The following MTSS1 variants were observed in gnomAD, a reference collection of about 807,000 sequenced individuals.
MTSS1 encodes the protein protein MTSS 1.
Under a neutral mutation model 79.0 loss-of-function variants are expected in MTSS1, and 18 were observed. That is an observed-to-expected ratio of 0.23 (90% CI 0.16 to 0.34). MTSS1 has a LOEUF of 0.34. Among genes scored for constraint, MTSS1 ranks in the 10% least tolerant of loss-of-function variants. The probability of loss-of-function intolerance (pLI) is 1.00; values close to 1 mark genes in which losing one functional copy is unlikely to be tolerated. For synonymous variants in MTSS1, 341 were observed against 368.6 expected (o/e 0.93, Z 0.86); for missense variants, 815 against 986.2 (o/e 0.83, Z 2.33).
intron 3 of MTSS1, among the ~76,000 whole-genome samples, chr8:124,687,752 A>G (rs1348969659): frequency 6.6e-6 from 1 of 152,242 alleles, no homozygotes; most frequent in African/African-American, 2.4e-5. Flanking sequence ...TATCGCCTCC[A>G]CAATTCTTTT....
intron 3 of MTSS1, among the ~76,000 whole-genome samples, chr8:124,616,556 G>C (rs1368766072): frequency 6.6e-6 from 1 of 152,148 alleles, no homozygotes; most frequent in African/African-American, 2.4e-5. Flanking sequence ...GGTCTCACCA[G>C]AGAGTGAGAC....
intron 3 of MTSS1, among the ~76,000 whole-genome samples, chr8:124,646,973 G>A (rs1415257394): frequency 3.3e-5 from 5 of 152,100 alleles, no homozygotes; most frequent in Admixed American, 2.0e-4. Flanking sequence ...AGCCTCCTGA[G>A]TAGCTGGGAC....
rs60554923 is a variant in MTSS1, at chr8:124,607,506, G to A, written c.209-16271C>T. On this transcript the variant is annotated intron_variant, in intron 3 of 13. Transcript: ENST00000518547. Reference sequence around the variant, plus strand: ...AAAAAGGAATTGAAATTCTAACCCCGGAATAGCAAACAAGAGGCTGGCTTT... The same window carrying A: ...AAAAAGGAATTGAAATTCTAACCCCAGAATAGCAAACAAGAGGCTGGCTTT... Among the ~76,000 whole-genome samples the A allele has an allele frequency of 9.0e-3, 1,366 of 152,234 alleles. 17 individuals are homozygous for A. The highest frequency in any genetic ancestry group is 0.031 in the African/African-American group (1,274 of 41,524).
intron 3 of MTSS1, among the ~76,000 whole-genome samples, chr8:124,595,062 G>C (rs1484028464): frequency 6.6e-6 from 1 of 152,188 alleles, no homozygotes; most frequent in Non-Finnish European, 1.5e-5. Context: ...GTTGAATAAA[G>C]GAACGGACAT....
At chr8:124,579,688 T>C (rs918814035) in intron 6 of MTSS1, 2 of 152,074 alleles carry the variant, frequency 1.3e-5, no homozygotes, top group South Asian at 2.1e-4. Context: ...TGAGGGGAAA[T>C]AGAGGCCGTG....
chr8:124,595,563 G>A (rs372013280), intron 3 of MTSS1, among the ~76,000 whole-genome samples: 11 of 151,926 alleles, frequency 7.2e-5, no homozygotes, highest in Admixed American at 5.3e-4. Flanking sequence ...TTCTCTCTCC[G>A]CCTCCAATTT....
At chr8:124,561,068 G>T (rs1825180318) in intron 10 of MTSS1, among the ~76,000 whole-genome samples, 1 of 152,166 alleles carries the variant, frequency 6.6e-6, no homozygotes, top group Non-Finnish European at 1.5e-5. Flanking sequence ...ATAATAATAA[G>T]CAGTCGTAAT....
At chr8:124,613,387 T>C (rs2133338838) in intron 3 of MTSS1, among the ~76,000 whole-genome samples, 1 of 152,358 alleles carries the variant, frequency 6.6e-6, no homozygotes, top group Non-Finnish European at 1.5e-5. Context: ...CATCATGCAA[T>C]TAACACGCAA....
intron 3 of MTSS1, among the ~76,000 whole-genome samples, chr8:124,654,746 A>C (rs958072436): frequency 4.6e-5 from 7 of 152,336 alleles, no homozygotes; most frequent in African/African-American, 1.4e-4. Flanking sequence ...TCTGACAAGC[A>C]TAATGTAATG....
Position 124,656,856 on chromosome 8 carries a change from G to A in MTSS1, c.208+42670C>T, listed in dbSNP as rs1821057411. On this transcript the variant is annotated intron_variant, in intron 3 of 13. Coordinates refer to ENST00000518547, the MANE Select transcript of MTSS1 (RefSeq NM_014751.6). ...TTGCTCCTTCAGAGCCACCCCTGAA[G>A]TATTCCAACTGCAGGCAACATGGGG... is the stretch of plus-strand genomic sequence containing the variant. Among the ~76,000 whole-genome samples the A allele has an allele frequency of 3.3e-5, 5 of 151,116 alleles. No homozygotes were observed. In the South Asian group the frequency reaches 1.1e-3, roughly 32 times the overall value.
intron 13 of MTSS1, among the ~76,000 whole-genome samples, chr8:124,555,289 G>A (rs4870901): frequency 0.52 from 78,452 of 151,644 alleles, 20,700 homozygotes; most frequent in African/African-American, 0.61. Context: ...TCTGTCACCC[G>A]GGCTGGAGTG....
At chr8:124,611,114 C>CCG (rs1554671376) in intron 3 of MTSS1, among the ~76,000 whole-genome samples, 2 of 148,642 alleles carry the variant, frequency 1.3e-5, no homozygotes, top group East Asian at 2.0e-4. Context: ...AGACCCCCCC[C>CCG]CCCCAGCATG....
intron 3 of MTSS1, among the ~76,000 whole-genome samples, chr8:124,593,971 C>T (rs574808140): frequency 8.0e-6 from 1 of 125,702 alleles, no homozygotes; most frequent in African/African-American, 3.2e-5. Flanking sequence ...GCTTCTAGAG[C>T]CTGGCCCTGT....
chr8:124,693,951 G>A (rs66713150), intron 3 of MTSS1, among the ~76,000 whole-genome samples: 21,131 of 152,140 alleles, frequency 0.14, 1,851 homozygotes, highest in Non-Finnish European at 0.19. Context: ...TTATAGGTGG[G>A]AAAATGGAAG....
chr8:124,683,491 C>T lies in MTSS1; in HGVS notation c.208+16035G>A, dbSNP rs540262350. On this transcript the variant is annotated intron_variant, in intron 3 of 13. Transcript: ENST00000518547. This position sits in a 1 kb window ranked among gnomAD's most constrained non-coding sequence, Gnocchi z 4.5. ...TTTCCAAGAGTGCCAGCTTCTCTGA[C>T]ACCCTGGAAAGGAACTCAGAAACAC... Among the ~76,000 whole-genome samples the T allele has an allele frequency of 6.6e-6, 1 of 152,328 alleles. No homozygotes were observed. Among genetic ancestry groups the T allele is most frequent in the East Asian group, 1.9e-4 (1 of 5,190 alleles).
intron 3 of MTSS1, among the ~76,000 whole-genome samples, chr8:124,622,067 AGAG>A (rs748834368): frequency 0.029 from 4,150 of 143,730 alleles, 171 homozygotes; most frequent in African/African-American, 0.097. Context: ...AGAAAGAGAG[AGAG>A]AGAGAGAGAG....
At chr8:124,614,367 C>T (rs544369697) in intron 3 of MTSS1, among the ~76,000 whole-genome samples, 1 of 152,282 alleles carries the variant, frequency 6.6e-6, no homozygotes, top group South Asian at 2.1e-4. Flanking sequence ...TTTTACTCAT[C>T]TGAGAGTGAG....
chr8:124,599,482 C>CA (rs202122400), intron 3 of MTSS1, among the ~76,000 whole-genome samples: 1,712 of 85,188 alleles, frequency 0.02, 28 homozygotes, highest in Middle Eastern at 0.054. Flanking sequence ...GACTCCGTCT[C>CA]AAAAAAAAAA....
At chr8:124,693,578 G>T (rs983017610) in intron 3 of MTSS1, among the ~76,000 whole-genome samples, 1 of 152,110 alleles carries the variant, frequency 6.6e-6, no homozygotes, top group Non-Finnish European at 1.5e-5. Flanking sequence ...CAACCTCGGC[G>T]ATCCAGACTC....
Sources: allele counts gnomAD v4.1 joint callset (sites outside exome capture counted in the v4.1 genomes callset), GRCh38; gene constraint gnomAD v4.1.1; non-coding constraint Gnocchi (gnomAD v3.1); transcripts MANE v1.5; gene names NCBI Gene and HGNC (gene_info 2026-07-23, HGNC 2026-07-21).